Variants in DRD3 observed in about 807,000 individuals in gnomAD.
The protein encoded by DRD3 is D(3) dopamine receptor.
A neutral mutation model predicts 36.3 loss-of-function variants in DRD3; 19 were observed. That is an observed-to-expected ratio of 0.52 (90% CI 0.36 to 0.77). The LOEUF (loss-of-function observed/expected upper bound fraction) is 0.77. Among genes scored for constraint, DRD3 ranks in the 30% least tolerant of loss-of-function variants. The pLI, the probability that DRD3 is intolerant of heterozygous loss-of-function variation, is 0.00. For missense variants in DRD3, 465 were observed against 505.3 expected, an observed-to-expected ratio of 0.92 and a Z score of 0.77; for synonymous variants, 195 against 203.7, an observed-to-expected ratio of 0.96 and a Z score of 0.36.
chr3:114,161,282 C>A (rs1004425283), intron 2 of DRD3, among the ~76,000 whole-genome samples: 1 of 152,132 alleles, frequency 6.6e-6, no homozygotes, highest in African/African-American at 2.4e-5. Flanking sequence ...GAAGTAGCTT[C>A]CCAATAAGAA....
At chr3:114,176,391 A>G (rs1470384538) in intron 1 of DRD3, among the ~76,000 whole-genome samples, 1 of 152,114 alleles carries the variant, frequency 6.6e-6, no homozygotes, top group Admixed American at 6.5e-5. Flanking sequence ...TGAGGCCAGG[A>G]GTTTGAGATC....
intron 3 of DRD3, among the ~76,000 whole-genome samples, chr3:114,156,741 CTTTT>C (rs10607901): frequency 6.0e-5 from 1 of 16,588 alleles, no homozygotes; most frequent in Non-Finnish European, 2.5e-4. Flanking sequence ...TTCTTTCTTT[CTTTT>C]TCTTTCTTTC....
intron 4 of DRD3, 112 bp from the exon 5 acceptor site, chr3:114,139,808 G>A (rs1352929365): frequency 2.0e-6 from 2 of 981,768 alleles, no homozygotes; most frequent in Non-Finnish European, 3.0e-6. Context: ...GCTGCACAGG[G>A]GGTGGGAAGG....
At chr3:114,159,665 G>T in intron 3 of DRD3, 90 bp downstream of exon 3, 1 of 962,780 alleles carries the variant, frequency 1.0e-6, no homozygotes, top group Non-Finnish European at 1.6e-6. Context: ...AGTTCTACTT[G>T]GAGGTGACCC....
At chr3:114,156,184 C>A (rs997777592) in intron 3 of DRD3, among the ~76,000 whole-genome samples, 1 of 152,192 alleles carries the variant, frequency 6.6e-6, no homozygotes, top group African/African-American at 2.4e-5. Context: ...GAATTCATGT[C>A]TATTTGACTC....
chr3:114,164,989 G>C (rs1476595590), intron 2 of DRD3, among the ~76,000 whole-genome samples: 1 of 152,200 alleles, frequency 6.6e-6, no homozygotes, highest in Non-Finnish European at 1.5e-5. Context: ...GACCTCAGGT[G>C]ATCCACCCAC....
intron 6 of DRD3, among the ~76,000 whole-genome samples, chr3:114,130,585 T>C (rs1175366481): frequency 1.3e-5 from 2 of 151,924 alleles, no homozygotes; most frequent in Admixed American, 1.3e-4. Context: ...CCACCACGCC[T>C]GGCTAATTTT....
intron 5 of DRD3, among the ~76,000 whole-genome samples, chr3:114,132,904 A>G (rs1243706518): frequency 6.6e-6 from 1 of 152,234 alleles, no homozygotes; most frequent in Non-Finnish European, 1.5e-5. Flanking sequence ...AAATTTGAAC[A>G]TCAATTGGAC....
intron 1 of DRD3, among the ~76,000 whole-genome samples, chr3:114,184,908 T>C (rs1050556037): frequency 2.6e-5 from 4 of 152,190 alleles, no homozygotes; most frequent in African/African-American, 9.7e-5. Context: ...AAATTCTTGG[T>C]TGACAGGTAT....
At chr3:114,162,117 C>T (rs1487160653) in intron 2 of DRD3, among the ~76,000 whole-genome samples, 4 of 152,118 alleles carry the variant, frequency 2.6e-5, no homozygotes, top group Non-Finnish European at 5.9e-5. Context: ...ACAAAATGTA[C>T]TACAGGGCCT....
chr3:114,179,803 G>T (rs1209590646), upstream of DRD3, among the ~76,000 whole-genome samples: 1 of 152,126 alleles, frequency 6.6e-6, no homozygotes, highest in African/African-American at 2.4e-5. Context: ...TGACTATGAT[G>T]GAGACCTCTG....
intron 3 of DRD3, among the ~76,000 whole-genome samples, chr3:114,154,380 T>C (rs539453501): frequency 2.0e-5 from 3 of 152,098 alleles, no homozygotes; most frequent in Admixed American, 6.5e-5. Flanking sequence ...GGTTGCTCTT[T>C]AGGAAGCTAG....
At chr3:114,191,363 G>T (rs73856265) in intron 1 of DRD3, among the ~76,000 whole-genome samples, 8,381 of 150,560 alleles carry the variant, frequency 0.056, 785 homozygotes, top group African/African-American at 0.19. Context: ...CCATGCAAAG[G>T]TCAGTGGGAA....
intron 3 of DRD3, among the ~76,000 whole-genome samples, chr3:114,157,617 A>C (rs1375363811): frequency 6.6e-6 from 1 of 152,122 alleles, no homozygotes; most frequent in Non-Finnish European, 1.5e-5. Context: ...TTCCTTTTAC[A>C]TGCTGAAGTG....
intron 1 of DRD3, among the ~76,000 whole-genome samples, chr3:114,198,956 A>C (rs2078050878): frequency 6.6e-6 from 1 of 152,186 alleles, no homozygotes; most frequent in Middle Eastern, 3.2e-3. Context: ...ATGTTGCCTA[A>C]GCTGGCTTGA....
intron 1 of DRD3, among the ~76,000 whole-genome samples, chr3:114,174,031 G>C (rs1237162198): frequency 6.6e-6 from 1 of 152,082 alleles, no homozygotes; most frequent in Non-Finnish European, 1.5e-5. Context: ...GACAAACTTG[G>C]AATGAATTTA....
intron 2 of DRD3, among the ~76,000 whole-genome samples, chr3:114,160,539 T>C (rs1213977569): frequency 6.6e-6 from 1 of 152,270 alleles, no homozygotes; most frequent in African/African-American, 2.4e-5. Flanking sequence ...GATGCTCAGC[T>C]GGTGGTAAAA....
chr3:114,143,017 C>T (rs2077539958), intron 4 of DRD3, among the ~76,000 whole-genome samples: 1 of 152,154 alleles, frequency 6.6e-6, no homozygotes, highest in Non-Finnish European at 1.5e-5. Flanking sequence ...GAGTGATGCA[C>T]CACACAGCAG....
upstream of DRD3, among the ~76,000 whole-genome samples, chr3:114,182,035 A>G (rs183528212): frequency 2.6e-5 from 4 of 152,288 alleles, no homozygotes; most frequent in East Asian, 5.8e-4. Flanking sequence ...GAACTGGAAG[A>G]TTTGATTATC....
Sources: gnomAD v4.1 joint callset for allele counts (sites outside exome capture counted in the v4.1 genomes callset) on GRCh38, gnomAD v4.1.1 for gene constraint, MANE v1.5 for transcripts, NCBI Gene and HGNC (gene_info 2026-07-23, HGNC 2026-07-21) for gene names.